The following PCNX1 variants were observed in gnomAD, a reference collection of about 807,000 sequenced individuals.
PCNX1 encodes the protein pecanex-like protein 1.
PCNX1 carries 78 observed loss-of-function variants against 242.2 expected under a neutral mutation model. That is an observed-to-expected ratio of 0.32 (90% CI 0.27 to 0.39). PCNX1 has a LOEUF of 0.39. Ranked by LOEUF, PCNX1 falls within the 10% of genes least tolerant of loss-of-function variation. The pLI is 1.00. For missense variants in PCNX1, 2,581 were observed against 2,856.5 expected, an observed-to-expected ratio of 0.90 and a Z score of 2.20; for synonymous variants, 1,024 against 1,032.9, an observed-to-expected ratio of 0.99 and a Z score of 0.17.
Position 71,108,750 on chromosome 14 carries a change from C to G in PCNX1, c.6448C>G (p.Arg2150Gly). 6.2e-7 allele frequency: 1 copy of G among 1,614,228 alleles called. No homozygotes were observed. The highest frequency in any genetic ancestry group is 8.5e-7 in the Non-Finnish European group (1 of 1,180,034). Reference protein sequence around the residue: ...MSTTGFVPCRRSSTSQISLRN... With the variant: ...MSTTGFVPCRGSSTSQISLRN... The stretch of plus-strand genomic sequence containing the variant: ...CACCACTGGGTTTGTGCCTTGTCGG[C>G]GCTCTTCTACTAGTCAGATATCGCT... Residue 2150 changes from arginine (R) to glycine (G), a missense_variant, in exon 34 of 36, where the codon CGC becomes GGC. Around this residue, in one of 9 missense-constraint regions of PCNX1, gnomAD observed 432 missense variants for 433.6 expected, o/e 1.00. Transcript: ENST00000304743.
chr14:70,993,768 C>T (rs528061315), intron 7 of PCNX1, among the ~76,000 whole-genome samples: 5 of 152,202 alleles, frequency 3.3e-5, no homozygotes, highest in East Asian at 1.9e-4. Context: ...GACACAGGGA[C>T]GTGGTACCTG....
intron 18 of PCNX1, among the ~76,000 whole-genome samples, chr14:71,034,511 G>A (rs2060476453): frequency 6.6e-6 from 1 of 152,148 alleles, no homozygotes; most frequent in South Asian, 2.1e-4. Context: ...ACAATAACCT[G>A]TATTAATGTA....
rs200840554 is a variant in PCNX1, at chr14:71,097,331, G to A, written c.5590-4659G>A. On this transcript the variant is annotated intron_variant, in intron 30 of 35. Coordinates refer to ENST00000304743, the MANE Select transcript of PCNX1 (RefSeq NM_014982.3). ...TTATTTTCTTTTGGATTTATACCTA[G>A]TAATGGGATTGGTAGGTCAAATGGT... Among the ~76,000 whole-genome samples the A allele has an allele frequency of 5.3e-5, 8 of 152,326 alleles. No homozygotes were observed. In the East Asian group the frequency reaches 1.5e-3, roughly 29 times the overall value.
At chr14:70,936,403 A>C (rs1277092938) in intron 1 of PCNX1, among the ~76,000 whole-genome samples, 2 of 151,360 alleles carry the variant, frequency 1.3e-5, no homozygotes, top group Admixed American at 1.3e-4. Flanking sequence ...TCCTTGCGAC[A>C]GTTTGCTCAG....
At chr14:71,070,038 T>A (rs188616542) in intron 26 of PCNX1, among the ~76,000 whole-genome samples, 26 of 152,330 alleles carry the variant, frequency 1.7e-4, no homozygotes, top group Non-Finnish European at 7.3e-5. Flanking sequence ...TTATAAATCC[T>A]TTGTTGTCAT....
intron 2 of PCNX1, among the ~76,000 whole-genome samples, chr14:70,961,397 G>C (rs553278716): frequency 6.6e-6 from 1 of 152,252 alleles, no homozygotes; most frequent in East Asian, 1.9e-4. Context: ...ACAAACCTGA[G>C]AAAAACAAGC....
intron 13 of PCNX1, among the ~76,000 whole-genome samples, chr14:71,024,087 A>G (rs1406281326): frequency 6.6e-6 from 1 of 152,198 alleles, no homozygotes; most frequent in Non-Finnish European, 1.5e-5. Context: ...CTATTCATCC[A>G]GATCCCCAAG....
intron 19 of PCNX1, among the ~76,000 whole-genome samples, chr14:71,041,945 C>G: frequency 6.6e-6 from 1 of 152,090 alleles, no homozygotes. Flanking sequence ...AGTGTTCATT[C>G]AGGAGCACAT....
At chr14:70,908,981 CAG>C (rs1256210723) in intron 1 of PCNX1, among the ~76,000 whole-genome samples, 9 of 152,112 alleles carry the variant, frequency 5.9e-5, no homozygotes, top group African/African-American at 1.7e-4. Context: ...TTAAAGTAGT[CAG>C]AGGGGAGGAA....
At chr14:70,924,697 C>T (rs1690426451) in intron 1 of PCNX1, among the ~76,000 whole-genome samples, 1 of 152,174 alleles carries the variant, frequency 6.6e-6, no homozygotes, top group Non-Finnish European at 1.5e-5. Flanking sequence ...AGGTGACCCT[C>T]CCACCTCAGC....
chr14:71,006,092 CGTGTGTGTGTCT>C lies in PCNX1; in HGVS notation c.2630-3531_2630-3520del, dbSNP rs1355488801. On this transcript the variant is annotated intron_variant, in intron 8 of 35. Transcript: ENST00000304743. ...CACATGCCACCACACCCAGCTAGTA[CGTGTGTGTGTCT>C]GTGTGTGTGTGTGTGTGTGTGTGTG... 4.9e-4 allele frequency among the ~76,000 whole-genome samples: 63 copies of C among 129,322 alleles called. 2 individuals carry two copies. Among genetic ancestry groups the C allele is most frequent in the South Asian group, 2.3e-3 (9 of 3,832 alleles). The allele number at this position is 129,322 out of a possible 152,430, so 84.8% of individuals were successfully genotyped here.
intron 7 of PCNX1, among the ~76,000 whole-genome samples, chr14:70,993,376 C>T (rs532226181): frequency 1.3e-5 from 2 of 152,138 alleles, no homozygotes; most frequent in Non-Finnish European, 2.9e-5. Flanking sequence ...GATCCACCCG[C>T]CTTGGCCTCC....
At chr14:70,975,738 T>C (rs1006038708) in intron 5 of PCNX1, among the ~76,000 whole-genome samples, 1 of 152,018 alleles carries the variant, frequency 6.6e-6, no homozygotes, top group Non-Finnish European at 1.5e-5. Context: ...TCAAGCTATA[T>C]TCCAAGATAA....
intron 22 of PCNX1, 66 bp downstream of exon 22, chr14:71,048,050 A>G (rs750236357): frequency 8.7e-7 from 1 of 1,146,108 alleles, no homozygotes; most frequent in Non-Finnish European, 1.2e-6. Flanking sequence ...TATGCTAGTC[A>G]GAATTTTTCT....
chr14:71,076,358 G>A lies in PCNX1; in HGVS notation c.5276G>A (p.Arg1759Lys), dbSNP rs201847925. Residue 1759 changes from arginine to lysine, a missense_variant, in exon 28 of 36, where the codon AGG becomes AAG. Physicochemically the swap from Arg to Lys is conservative, Grantham distance 26. Transcript: ENST00000304743. ...DYDHRLAGIS[R>K]ESFCVIYLNW... Reference sequence around the variant, plus strand: ...GACCACCGACTGGCAGGCATATCTAGGGAGAGTTTCTGTGTGATTTACCTC... The same window carrying A: ...GACCACCGACTGGCAGGCATATCTAAGGAGAGTTTCTGTGTGATTTACCTC... 4.7e-5 allele frequency: 76 copies of A among 1,613,792 alleles called. No homozygotes were observed. Among genetic ancestry groups the A allele is most frequent in the Admixed American group, 6.7e-5 (4 of 59,990 alleles).
intron 11 of PCNX1, among the ~76,000 whole-genome samples, chr14:71,013,855 C>T (rs1361988584): frequency 5.9e-5 from 9 of 152,162 alleles, no homozygotes; most frequent in African/African-American, 2.2e-4. Flanking sequence ...AGCCAACTTC[C>T]TGAGTTAAGG....
At chr14:70,968,555 G>C (rs2058449163) in intron 4 of PCNX1, among the ~76,000 whole-genome samples, 1 of 152,126 alleles carries the variant, frequency 6.6e-6, no homozygotes. Flanking sequence ...GGAAAACTAA[G>C]TAATTTGATG....
intron 26 of PCNX1, among the ~76,000 whole-genome samples, chr14:71,065,463 GTTGT>G (rs1364498260): frequency 2.6e-5 from 4 of 152,104 alleles, no homozygotes; most frequent in Admixed American, 6.6e-5. Flanking sequence ...TTTCGATGGG[GTTGT>G]TTGTTTTTTT....
chr14:71,069,497 A>G lies in PCNX1; in HGVS notation c.4853-4048A>G, dbSNP rs146585523. ...ATATGTTTTTATTATGTTGAAAAACATGTGTATGTATTACTGGCATACCTT... is the reference window on the plus strand; with the variant it reads ...ATATGTTTTTATTATGTTGAAAAACGTGTGTATGTATTACTGGCATACCTT... On this transcript the variant is annotated intron_variant, in intron 26 of 35. Coordinates refer to ENST00000304743, the MANE Select transcript of PCNX1 (RefSeq NM_014982.3). Among the ~76,000 whole-genome samples the G allele has an allele frequency of 4.3e-3, 650 of 152,270 alleles. 3 individuals carry two copies. Among genetic ancestry groups the G allele is most frequent in the African/African-American group, 0.015 (613 of 41,564 alleles).
Sources: gnomAD v4.1 joint callset for allele counts (sites outside exome capture counted in the v4.1 genomes callset) on GRCh38, gnomAD v4.1.1 for gene constraint, gnomAD v4.1.1 regional missense constraint, MANE v1.5 for transcripts, NCBI Gene and HGNC (gene_info 2026-07-23, HGNC 2026-07-21) for gene names.